Variants in CACNB4 observed in about 807,000 individuals in gnomAD.
CACNB4 encodes calcium voltage-gated channel auxiliary subunit beta 4, also known as voltage-dependent L-type calcium channel subunit beta-4.
Under a neutral mutation model 71.2 loss-of-function variants are expected in CACNB4, and 32 were observed. That is an observed-to-expected ratio of 0.45 (90% CI 0.34 to 0.60). The LOEUF (loss-of-function observed/expected upper bound fraction) is 0.60. CACNB4 is among the 20% of genes least tolerant of loss of function. The pLI, the probability that CACNB4 is intolerant of heterozygous loss-of-function variation, is 0.01. For synonymous variants in CACNB4, 231 were observed against 236.9 expected, an observed-to-expected ratio of 0.97 and a Z score of 0.23; for missense variants, 464 against 647.9, an observed-to-expected ratio of 0.72 and a Z score of 3.08.
At chr2:151,919,080 C>T (rs2099858263) in intron 2 of CACNB4, among the ~76,000 whole-genome samples, 1 of 152,106 alleles carries the variant, frequency 6.6e-6, no homozygotes, top group Non-Finnish European at 1.5e-5. Flanking sequence ...GAACCTTGAC[C>T]AGGGTAGCCT....
At chr2:151,883,817 C>A (rs2099848587) in intron 2 of CACNB4, 1 of 234,166 alleles carries the variant, frequency 4.3e-6, no homozygotes, top group Non-Finnish European at 8.5e-6. Context: ...TATAGTAAAG[C>A]ATCATCTTAC....
intron 9 of CACNB4, among the ~76,000 whole-genome samples, chr2:151,862,100 A>G (rs1458169680): frequency 6.6e-6 from 1 of 152,190 alleles, no homozygotes; most frequent in Non-Finnish European, 1.5e-5. Flanking sequence ...CAAGGAAAGT[A>G]GCACCCCTCC....
At chr2:152,081,294 A>T (rs1385834622) in intron 2 of CACNB4, among the ~76,000 whole-genome samples, 1 of 152,184 alleles carries the variant, frequency 6.6e-6, no homozygotes, top group African/African-American at 2.4e-5. Flanking sequence ...ATACCACAGA[A>T]TGGGTAACTT....
chr2:151,989,444 C>T (rs946518783), intron 2 of CACNB4, among the ~76,000 whole-genome samples: 2 of 152,208 alleles, frequency 1.3e-5, no homozygotes, highest in African/African-American at 4.8e-5. Context: ...AATAGAACCT[C>T]GTCTTATGTG....
At chr2:151,995,274 T>C (rs1428040848) in intron 2 of CACNB4, among the ~76,000 whole-genome samples, 1 of 144,396 alleles carries the variant, frequency 6.9e-6, no homozygotes, top group Non-Finnish European at 1.5e-5. Context: ...TCCCAGGCCA[T>C]AACAATAAAC....
At chr2:151,959,989 A>G (rs934237451) in intron 2 of CACNB4, among the ~76,000 whole-genome samples, 2 of 152,220 alleles carry the variant, frequency 1.3e-5, no homozygotes, top group African/African-American at 4.8e-5. Context: ...GATCTGCCTC[A>G]CCGTTCTTAT....
intron 2 of CACNB4, among the ~76,000 whole-genome samples, chr2:151,892,007 G>GGTCTTC (rs1320116184): frequency 1.3e-5 from 2 of 152,130 alleles, no homozygotes; most frequent in African/African-American, 2.4e-5. Context: ...CCCGGCACAA[G>GGTCTTC]GTCTTCATTC....
chr2:152,001,066 C>G (rs760047287), intron 2 of CACNB4, among the ~76,000 whole-genome samples: 5 of 152,206 alleles, frequency 3.3e-5, no homozygotes, highest in South Asian at 2.1e-4. Context: ...TTTCAACAAC[C>G]CTACGAGGCA....
chr2:151,860,853 G>A (rs2099841454), intron 9 of CACNB4, 33 bp from the exon 10 acceptor site: 1 of 1,421,480 alleles, frequency 7.0e-7, no homozygotes, highest in Admixed American at 1.7e-5. Context: ...GAACAAGCCA[G>A]TAAAAATGTT....
intron 2 of CACNB4, among the ~76,000 whole-genome samples, chr2:152,046,593 T>C (rs1685151962): frequency 6.6e-6 from 1 of 152,184 alleles, no homozygotes; most frequent in South Asian, 2.1e-4. Flanking sequence ...GTTCTATCTA[T>C]TCAGCACTAC....
intron 2 of CACNB4, among the ~76,000 whole-genome samples, chr2:152,046,864 G>A (rs2105272365): frequency 1.3e-5 from 2 of 152,222 alleles, no homozygotes; most frequent in South Asian, 4.2e-4. Context: ...CTACCACCCA[G>A]TTAGGAAAAA....
At chr2:151,984,761 G>T (rs925306249) in intron 2 of CACNB4, among the ~76,000 whole-genome samples, 1 of 152,128 alleles carries the variant, frequency 6.6e-6, no homozygotes, top group Admixed American at 6.5e-5. Flanking sequence ...AGACATAAAA[G>T]AAGAGAATGA....
chr2:151,860,578 G>A (rs2099841385), intron 10 of CACNB4, 133 bp downstream of exon 10: 1 of 693,292 alleles, frequency 1.4e-6, no homozygotes, highest in East Asian at 2.7e-5. Context: ...TCCATAGCTA[G>A]CATTCTTTTT....
chr2:152,051,818 C>G (rs1685444759), intron 2 of CACNB4, among the ~76,000 whole-genome samples: 1 of 152,230 alleles, frequency 6.6e-6, no homozygotes, highest in Non-Finnish European at 1.5e-5. Context: ...AATCCCTCCA[C>G]TCCCCCGACC....
rs754750695 is a variant in CACNB4 at position 151,834,531 on chromosome 2, T to A, written c.*4588A>T. 6 of 152,030 alleles carry A rather than the reference T, an allele frequency of 3.9e-5. No homozygotes were observed. Among genetic ancestry groups the A allele is most frequent in the Non-Finnish European group, 5.9e-5 (4 of 67,862 alleles). 9.4% of individuals were successfully genotyped at this position (152,030 alleles called of 1,614,324 possible). On this transcript the variant is annotated 3_prime_UTR_variant, in exon 14 of 14. Transcript: ENST00000539935. Reference sequence around the variant, plus strand: ...GAGATAGCTGCTATCAGAGGATGTATTTTATTTAAGAAAGTCCATTTTAAT... The same window carrying A: ...GAGATAGCTGCTATCAGAGGATGTAATTTATTTAAGAAAGTCCATTTTAAT...
intron 2 of CACNB4, among the ~76,000 whole-genome samples, chr2:151,974,640 G>A (rs1401348877): frequency 6.6e-6 from 1 of 152,100 alleles, no homozygotes; most frequent in Non-Finnish European, 1.5e-5. Context: ...CCCTTCCCAT[G>A]CACAAATCTT....
chr2:151,851,950 A>G (rs1040334144), intron 12 of CACNB4: 2 of 152,176 alleles, frequency 1.3e-5, no homozygotes, highest in Non-Finnish European at 2.9e-5. Flanking sequence ...TTAATCATAC[A>G]TTCCACTGTG....
chr2:151,851,801 T>G (rs949733121), intron 12 of CACNB4: 2 of 152,236 alleles, frequency 1.3e-5, no homozygotes, highest in African/African-American at 4.8e-5. Context: ...TAACTATCCT[T>G]ATAAGATTGT....
intron 2 of CACNB4, among the ~76,000 whole-genome samples, chr2:152,086,887 T>C (rs1687689839): frequency 6.6e-6 from 1 of 152,016 alleles, no homozygotes; most frequent in Non-Finnish European, 1.5e-5. Flanking sequence ...TCCCAACACT[T>C]TAGGAGGCTG....
Sources: gnomAD v4.1 joint callset for allele counts (sites outside exome capture counted in the v4.1 genomes callset) on GRCh38, gnomAD v4.1.1 for gene constraint, MANE v1.5 for transcripts, NCBI Gene and HGNC (gene_info 2026-07-23, HGNC 2026-07-21) for gene names.